Variants in VPS13B observed in about 807,000 individuals in gnomAD.
The protein encoded by VPS13B is vacuolar protein sorting 13 homolog B.
Under a neutral mutation model 426.4 loss-of-function variants are expected in VPS13B, and 285 were observed. The observed-to-expected ratio is 0.67, with a 90% CI of 0.61 to 0.74. The LOEUF is 0.74. VPS13B is among the 30% of genes least tolerant of loss of function. The pLI is 0.00. For missense variants in VPS13B, 4,537 were observed against 4,782.6 expected (o/e 0.95, Z 1.51); for synonymous variants, 1,676 against 1,676.4 (o/e 1.00, Z 0.01).
chr8:99,608,121 C>CAACCAG (rs1171922603), intron 33 of VPS13B, among the ~76,000 whole-genome samples: 2 of 150,994 alleles, frequency 1.3e-5, no homozygotes. Flanking sequence ...CATTAAAACT[C>CAACCAG]AACCAGTGGT....
intron 19 of VPS13B, among the ~76,000 whole-genome samples, chr8:99,332,224 G>C (rs1054997639): frequency 6.6e-6 from 1 of 151,660 alleles, no homozygotes; most frequent in East Asian, 1.9e-4. Context: ...ATAATAGACT[G>C]TGACTTAGGT....
chr8:99,356,679 T>G (rs565808534), intron 19 of VPS13B, among the ~76,000 whole-genome samples: 1 of 152,314 alleles, frequency 6.6e-6, no homozygotes, highest in South Asian at 2.1e-4. Context: ...CTTTACCATT[T>G]TTTTTTGATA....
At chr8:99,019,139 C>A (rs1049635979) in intron 2 of VPS13B, among the ~76,000 whole-genome samples, 8 of 149,820 alleles carry the variant, frequency 5.3e-5, no homozygotes, top group African/African-American at 2.0e-4. Context: ...TATGTAAGAT[C>A]AATGTTAGTG....
chr8:99,127,435 A>AC (rs997736588), intron 8 of VPS13B, among the ~76,000 whole-genome samples: 194 of 152,116 alleles, frequency 1.3e-3, no homozygotes, highest in African/African-American at 4.3e-3. Context: ...GCAGTTGTGC[A>AC]CCCCCACCCC....
At chr8:99,227,652 A>G (rs1052789966) in intron 17 of VPS13B, among the ~76,000 whole-genome samples, 4 of 152,144 alleles carry the variant, frequency 2.6e-5, no homozygotes, top group African/African-American at 9.7e-5. Context: ...AACAAGTTGA[A>G]TGATGATTAG....
intron 39 of VPS13B, among the ~76,000 whole-genome samples, chr8:99,726,826 G>A (rs1238707467): frequency 6.6e-6 from 1 of 152,132 alleles, no homozygotes; most frequent in African/African-American, 2.4e-5. Flanking sequence ...AAAGTGCTGG[G>A]ATTACAGGCA....
At chr8:99,257,098 T>G (rs1363689033) in intron 17 of VPS13B, among the ~76,000 whole-genome samples, 1 of 152,112 alleles carries the variant, frequency 6.6e-6, no homozygotes, top group African/African-American at 2.4e-5. Context: ...CATTAGTAAA[T>G]GATCATGCTT....
intron 21 of VPS13B, among the ~76,000 whole-genome samples, chr8:99,404,610 A>G: frequency 6.6e-6 from 1 of 152,360 alleles, no homozygotes; most frequent in Non-Finnish European, 1.5e-5. Context: ...TAGAAATTTT[A>G]AAAATAGTAC....
intron 43 of VPS13B, among the ~76,000 whole-genome samples, chr8:99,794,076 C>T (rs1248051255): frequency 2.6e-5 from 4 of 152,188 alleles, no homozygotes; most frequent in African/African-American, 2.4e-5. Context: ...CCAGGGGCAA[C>T]ATAGCAAGAC....
intron 17 of VPS13B, among the ~76,000 whole-genome samples, chr8:99,212,418 T>C (rs557571259): frequency 6.6e-6 from 1 of 152,206 alleles, no homozygotes; most frequent in Non-Finnish European, 1.5e-5. Flanking sequence ...ATCAGACAAA[T>C]AGGCTCTTTT....
At chr8:99,439,148 A>G (rs1439451704) in intron 22 of VPS13B, among the ~76,000 whole-genome samples, 2 of 152,182 alleles carry the variant, frequency 1.3e-5, no homozygotes, top group Admixed American at 1.3e-4. Context: ...TGCCTCTGGA[A>G]TGAAATGATG....
intron 56 of VPS13B, among the ~76,000 whole-genome samples, chr8:99,855,531 C>G (rs1477630559): frequency 6.6e-6 from 1 of 152,116 alleles, no homozygotes; most frequent in Admixed American, 6.5e-5. Context: ...GAACAGCATC[C>G]AGAGTTAGCC....
In VPS13B at chr8:99,870,707, G is replaced by T; in HGVS notation, c.11393-78G>T. The T allele has an allele frequency of 2.2e-6, 3 of 1,349,246 alleles. No homozygotes were observed. In the South Asian group the frequency reaches 3.5e-5, roughly 16 times the overall value. The allele number at this position is 1,349,246 out of a possible 1,614,324, so 83.6% of individuals were successfully genotyped here. A position where few individuals can be genotyped will look rare whatever the true frequency, so the allele number is the denominator to read the frequency against. ...TCTGTAACATTTTATGGATGGCTCT[G>T]AACAGATGACATCATTGCAGCATGA... On this transcript the variant is annotated intron_variant, in intron 59 of 61. Transcript: ENST00000357162.
At chr8:99,634,459 A>G (rs755325266) in intron 33 of VPS13B, among the ~76,000 whole-genome samples, 25 of 151,976 alleles carry the variant, frequency 1.6e-4, no homozygotes, top group Non-Finnish European at 3.2e-4. Flanking sequence ...CGGAAAAGTA[A>G]CTTCATGAAA....
At chr8:99,586,394 C>G (rs1164687634) in intron 33 of VPS13B, among the ~76,000 whole-genome samples, 1 of 152,142 alleles carries the variant, frequency 6.6e-6, no homozygotes, top group Non-Finnish European at 1.5e-5. Context: ...TATCTATGCA[C>G]TTAACTCACT....
chr8:99,293,146 A>T (rs1423725520), intron 19 of VPS13B, among the ~76,000 whole-genome samples: 3 of 149,730 alleles, frequency 2.0e-5, no homozygotes, highest in African/African-American at 4.9e-5. Flanking sequence ...AAACTATACT[A>T]CAAGGCTACA....
chr8:99,439,741 A>T (rs957852451), intron 22 of VPS13B, among the ~76,000 whole-genome samples: 3 of 152,106 alleles, frequency 2.0e-5, no homozygotes, highest in African/African-American at 7.2e-5. Flanking sequence ...GCTTTATATG[A>T]TGGGCAGTGG....
intron 19 of VPS13B, among the ~76,000 whole-genome samples, chr8:99,335,725 C>T (rs1810811083): frequency 6.6e-6 from 1 of 151,734 alleles, no homozygotes; most frequent in South Asian, 2.1e-4. Context: ...CAATAACAGA[C>T]AAACAGAGAG....
In VPS13B at chr8:99,462,107, CCTTCCTTCCTTCCAA is replaced by C. The variant is rs1160381498; in HGVS notation, c.3446-5293_3446-5279del. ...CCCTCCCTTCCTTCCTTCCTTTCTT[CCTTCCTTCCTTCCAA>C]CTTCCTTCCTTCCTTTCCTAACTCT... On this transcript the variant is annotated intron_variant, in intron 23 of 61. Coordinates refer to ENST00000357162, the MANE Select transcript of VPS13B (RefSeq NM_152564.5). Among the ~76,000 whole-genome samples, 4 of 145,338 alleles carry C rather than the reference CCTTCCTTCCTTCCAA, an allele frequency of 2.8e-5. No homozygotes were observed. The South Asian group carries it at 7.4e-4, about 27-fold the overall frequency.
Sources: gnomAD v4.1 joint callset for allele counts (sites outside exome capture counted in the v4.1 genomes callset) on GRCh38, gnomAD v4.1.1 for gene constraint, MANE v1.5 for transcripts, NCBI Gene and HGNC (gene_info 2026-07-23, HGNC 2026-07-21) for gene names.